Variants in USP49 observed in about 807,000 individuals in gnomAD.
The protein encoded by USP49 is ubiquitin specific peptidase 49.
USP49 carries 24 observed loss-of-function variants against 58.6 expected under a neutral mutation model. The observed-to-expected ratio is 0.41, with a 90% confidence interval of 0.30 to 0.58. The LOEUF (loss-of-function observed/expected upper bound fraction) is 0.58. USP49 is among the 20% of genes least tolerant of loss of function. The pLI, the probability that USP49 is intolerant of heterozygous loss-of-function variation, is 0.30. For synonymous variants in USP49, 408 were observed against 365.1 expected (o/e 1.12, Z -1.34); for missense variants, 703 against 866.1 (o/e 0.81, Z 2.36).
chr6:41,884,216 G>A (rs1774668068), intron 2 of USP49, among the ~76,000 whole-genome samples: 1 of 152,046 alleles, frequency 6.6e-6, no homozygotes, highest in Admixed American at 6.6e-5. Flanking sequence ...GTAGAGACAG[G>A]GTTTCACCAT....
In USP49 at chr6:41,807,021, C is replaced by A; in HGVS notation, c.-28-10G>T. 2.2e-6 allele frequency: 3 copies of A among 1,347,378 alleles called. No homozygotes were observed. Among genetic ancestry groups the A allele is most frequent in the South Asian group, 2.5e-5 (1 of 40,400 alleles). 83.5% of individuals were successfully genotyped at this position (1,347,378 alleles called of 1,614,324 possible). The stretch of plus-strand genomic sequence containing the variant: ...TCGCCACTTTCTCAACCTGGCACGA[C>A]AGAGTCCCCAAAAAAGAAAAAGAAA... On this transcript the variant is annotated splice_polypyrimidine_tract_variant and intron_variant, in intron 3 of 7. Transcript: ENST00000682992.
Position 41,889,030 on chromosome 6 carries a change from AT to A in USP49, c.-103+2763del, listed in dbSNP as rs879372948. ...AACTTATTTGTATTAATCCCAATCAATTTTTTTTTTTTTTATTTTTGAGACA... is the reference window on the plus strand; with the variant it reads ...AACTTATTTGTATTAATCCCAATCAATTTTTTTTTTTTTATTTTTGAGACA... On this transcript the variant is annotated intron_variant, in intron 2 of 7. Transcript: ENST00000682992. 2.2e-3 allele frequency among the ~76,000 whole-genome samples: 319 copies of A among 144,464 alleles called. 1 individual carries two copies. The highest frequency in any genetic ancestry group is 3.9e-3 in the African/African-American group (154 of 39,688). 94.8% of individuals were successfully genotyped at this position (144,464 alleles called of 152,430 possible). A position where few individuals can be genotyped will look rare whatever the true frequency, so the allele number is the denominator to read the frequency against.
intron 3 of USP49, among the ~76,000 whole-genome samples, chr6:41,814,098 C>T (rs1055530919): frequency 6.6e-6 from 1 of 152,196 alleles, no homozygotes; most frequent in African/African-American, 2.4e-5. Flanking sequence ...GTACCCAAAA[C>T]TGATAAACTT....
intron 3 of USP49, among the ~76,000 whole-genome samples, chr6:41,818,633 C>T (rs1023886972): frequency 6.6e-6 from 1 of 152,174 alleles, no homozygotes; most frequent in Non-Finnish European, 1.5e-5. Flanking sequence ...AATAACAGTT[C>T]CCTCACTAAC....
intron 3 of USP49, among the ~76,000 whole-genome samples, chr6:41,843,004 G>A (rs1455985951): frequency 6.6e-6 from 1 of 152,074 alleles, no homozygotes; most frequent in Non-Finnish European, 1.5e-5. Context: ...TCAAACTCCT[G>A]GGTTCAACTG....
intron 3 of USP49, among the ~76,000 whole-genome samples, chr6:41,871,165 T>C (rs1296161379): frequency 6.6e-6 from 1 of 152,184 alleles, no homozygotes; most frequent in Non-Finnish European, 1.5e-5. Context: ...CTTGCTCAAA[T>C]GAACGGGATC....
At chr6:41,879,866 C>T (rs1277682504) in intron 2 of USP49, among the ~76,000 whole-genome samples, 6 of 152,194 alleles carry the variant, frequency 3.9e-5, no homozygotes, top group Non-Finnish European at 8.8e-5. Context: ...GAGGTGTCCT[C>T]TCCAAGAATA....
At chr6:41,823,386 A>G (rs1248375297) in intron 3 of USP49, among the ~76,000 whole-genome samples, 1 of 152,220 alleles carries the variant, frequency 6.6e-6, no homozygotes, top group East Asian at 1.9e-4. Context: ...ATGGTTTACT[A>G]TGTTTTCCTT....
chr6:41,834,538 C>T (rs1045524757), intron 3 of USP49, among the ~76,000 whole-genome samples: 14 of 152,102 alleles, frequency 9.2e-5, no homozygotes, highest in African/African-American at 3.1e-4. Context: ...TGGGAGGTGA[C>T]TGGATCAAGG....
chr6:41,849,336 A>C (rs1165906873), intron 3 of USP49, among the ~76,000 whole-genome samples: 1 of 152,222 alleles, frequency 6.6e-6, no homozygotes, highest in Non-Finnish European at 1.5e-5. Flanking sequence ...GTAAAAGAGC[A>C]ACACAATTAC....
At chr6:41,867,080 C>T (rs1292956425) in intron 3 of USP49, among the ~76,000 whole-genome samples, 5 of 152,296 alleles carry the variant, frequency 3.3e-5, no homozygotes, top group South Asian at 4.1e-4. Flanking sequence ...CTGTCGCTTA[C>T]GCTGTACTTT....
At position 41,868,125 on chromosome 6, in the gene USP49, T is replaced by C. The variant is rs550379006; in HGVS notation, c.-29+3439A>G. On this transcript the variant is annotated intron_variant, in intron 3 of 7. Coordinates refer to ENST00000682992, the MANE Select transcript of USP49 (RefSeq NM_001286554.2). ...TAGGCCTAGGTTTAAATCCTGAAGC[T>C]GCCACTTGCAATGTGACTTTGGGCA... is the stretch of plus-strand genomic sequence containing the variant. 6.6e-5 allele frequency among the ~76,000 whole-genome samples: 10 copies of C among 152,336 alleles called. No homozygotes were observed. In the South Asian group the frequency reaches 1.2e-3, roughly 19 times the overall value.
At position 41,798,887 on chromosome 6, in the gene USP49, G is replaced by T; in HGVS notation, c.1713C>A (p.Val571=). The stretch of plus-strand genomic sequence containing the variant: ...CCATGGTTAATACCTGGTCAAAGAC[G>T]ACATGGACCCCAATCTTCTCTCGAT... The part of the protein sequence containing the change: ...RNHREKIGVH[V]VFDQVLTMEP... Residue 571 remains valine (V), a synonymous_variant, in exon 7 of 8, where the codon GTC becomes GTA. Transcript: ENST00000682992. 1 of 1,613,774 alleles carries T rather than the reference G, an allele frequency of 6.2e-7. No individual in the cohort carries two copies. The highest frequency in any genetic ancestry group is 1.1e-5 in the South Asian group (1 of 91,044).
intron 2 of USP49, among the ~76,000 whole-genome samples, chr6:41,888,140 C>A (rs915753649): frequency 6.7e-6 from 1 of 148,900 alleles, no homozygotes; most frequent in African/African-American, 2.5e-5. Context: ...CTGCAACCTC[C>A]GCCTCCCAGG....
intron 3 of USP49, among the ~76,000 whole-genome samples, chr6:41,850,264 G>A (rs1012956792): frequency 6.6e-6 from 1 of 151,848 alleles, no homozygotes; most frequent in Non-Finnish European, 1.5e-5. Context: ...CCAACATGGT[G>A]AAACCCCATC....
At chr6:41,846,293 G>T (rs968051719) in intron 3 of USP49, among the ~76,000 whole-genome samples, 7 of 152,012 alleles carry the variant, frequency 4.6e-5, no homozygotes, top group Middle Eastern at 3.2e-3. Flanking sequence ...CTCCAGCCTG[G>T]GTGACAGAGT....
intron 4 of USP49, among the ~76,000 whole-genome samples, chr6:41,805,149 TAAAAG>T (rs1773087708): frequency 6.6e-6 from 1 of 152,086 alleles, no homozygotes; most frequent in Non-Finnish European, 1.5e-5. Context: ...ATGCAGGAAA[TAAAAG>T]GTAATGGGGA....
intron 4 of USP49, 130 bp from the exon 5 acceptor site, chr6:41,804,140 T>A (rs1283052605): frequency 4.2e-6 from 3 of 711,032 alleles, no homozygotes; most frequent in Non-Finnish European, 6.7e-6. Context: ...AATATTAAAA[T>A]AATAAACATA....
chr6:41,812,267 C>CG (rs1286331058), intron 3 of USP49, among the ~76,000 whole-genome samples: 1 of 151,532 alleles, frequency 6.6e-6, no homozygotes, highest in African/African-American at 2.4e-5. Context: ...TTAGTAGAGA[C>CG]GGGGTTTCTC....
Sources: allele counts gnomAD v4.1 joint callset (sites outside exome capture counted in the v4.1 genomes callset), GRCh38; gene constraint gnomAD v4.1.1; transcripts MANE v1.5; gene names NCBI Gene and HGNC (gene_info 2026-07-23, HGNC 2026-07-21).